GRIP2: variants seen among roughly 807,000 people sequenced by gnomAD.
GRIP2 encodes the protein glutamate receptor-interacting protein 2.
A neutral mutation model predicts 108.3 loss-of-function variants in GRIP2; 58 were observed. That is an observed-to-expected ratio of 0.54 (90% CI 0.43 to 0.67). The LOEUF (loss-of-function observed/expected upper bound fraction) is 0.67, where lower values mean the gene tolerates loss of function less well. Among genes scored for constraint, GRIP2 ranks in the 30% least tolerant of loss-of-function variants. The pLI is 0.00. For synonymous variants in GRIP2, 586 were observed against 598.2 expected, an observed-to-expected ratio of 0.98 and a Z score of 0.30; for missense variants, 1,278 against 1,430.6, an observed-to-expected ratio of 0.89 and a Z score of 1.72.
At chr3:14,555,064 T>TTA (rs1234184738) in intron 1 of GRIP2, among the ~76,000 whole-genome samples, 1 of 151,778 alleles carries the variant, frequency 6.6e-6, no homozygotes, top group Non-Finnish European at 1.5e-5. Context: ...CCTGGGGGGT[T>TTA]TAACTCCAGC....
Position 14,524,418 on chromosome 3 carries a change from C to T in GRIP2, c.378G>A (p.Glu126=). The T allele has an allele frequency of 6.2e-7, 1 of 1,609,934 alleles. No individual in the cohort carries two copies. Among genetic ancestry groups the T allele is most frequent in the East Asian group, 2.2e-5 (1 of 44,776 alleles). Residue 126 remains glutamate, a synonymous_variant, in exon 4 of 24, where the codon GAG becomes GAA. Coordinates refer to ENST00000621039, the MANE Select transcript of GRIP2 (RefSeq NM_001080423.4). ...LKNVGERVVL[E]VEYELPPPAP... ...CGGGCGGGGGCAGCTCATACTCCAC[C>T]TCCAGCACCACGCGCTCGCCCACAT...
chr3:14,489,503 A>C lies in GRIP2; in HGVS notation c.*4162T>G, dbSNP rs969869974. On this transcript the variant is annotated 3_prime_UTR_variant, in exon 24 of 24. Transcript: ENST00000621039. Reference sequence around the variant, plus strand: ...TTCCCACATGGAGGCTCACAGAGGAAGCAGCTTGCTCACTCAGGGGTACAC... The same window carrying C: ...TTCCCACATGGAGGCTCACAGAGGACGCAGCTTGCTCACTCAGGGGTACAC... 3.9e-5 allele frequency: 6 copies of C among 152,428 alleles called. No homozygotes were observed. The highest frequency in any genetic ancestry group is 1.4e-4 in the African/African-American group (6 of 41,426). 9.4% of individuals were successfully genotyped at this position (152,428 alleles called of 1,614,324 possible). A position where few individuals can be genotyped will look rare whatever the true frequency, so the allele number is the denominator to read the frequency against.
At chr3:14,546,846 A>C (rs901459378), upstream of GRIP2, among the ~76,000 whole-genome samples, 7 of 152,182 alleles carry the variant, frequency 4.6e-5, no homozygotes, top group Non-Finnish European at 5.9e-5. Flanking sequence ...ATGGAAAGTC[A>C]CAGCACAGCT....
intron 1 of GRIP2, among the ~76,000 whole-genome samples, chr3:14,548,623 C>T (rs1266116459): frequency 6.6e-6 from 1 of 152,220 alleles, no homozygotes; most frequent in African/African-American, 2.4e-5. Flanking sequence ...CATGACCCTC[C>T]GTCCAAACGC....
chr3:14,525,663 G>C lies in GRIP2; in HGVS notation c.122-91C>G, dbSNP rs114948835. 5 of 1,502,884 alleles carry C rather than the reference G, an allele frequency of 3.3e-6. No homozygotes were observed. The African/African-American group carries it at 5.5e-5, about 17-fold the overall frequency. The allele number at this position is 1,502,884 out of a possible 1,614,324, so 93.1% of individuals were successfully genotyped here. On this transcript the variant is annotated intron_variant, in intron 2 of 23. Transcript: ENST00000621039. Reference sequence around the variant, plus strand: ...GATAAGCGAGGCGAGCACCTGGTTGGTAGGGCACTCTGCTGCATTGCCCTG... The same window carrying C: ...GATAAGCGAGGCGAGCACCTGGTTGCTAGGGCACTCTGCTGCATTGCCCTG...
At chr3:14,591,107 T>G in the GRIP2 span, among the ~76,000 whole-genome samples, 1 of 152,166 alleles carries the variant, frequency 6.6e-6, no homozygotes, top group Non-Finnish European at 1.5e-5. Flanking sequence ...AGCACACTTC[T>G]CTCCACTCTG....
chr3:14,541,209 C>T (rs1020530510), upstream of GRIP2, among the ~76,000 whole-genome samples: 9 of 152,210 alleles, frequency 5.9e-5, no homozygotes, highest in Non-Finnish European at 1.0e-4. Context: ...CAGGCTGCAC[C>T]CAATTTCCCC....
At chr3:14,587,767 G>A in the GRIP2 span, among the ~76,000 whole-genome samples, 1 of 152,140 alleles carries the variant, frequency 6.6e-6, no homozygotes, top group Admixed American at 6.5e-5. Flanking sequence ...CTACAGAAAG[G>A]GTTGTGCCTG....
upstream of GRIP2, chr3:14,542,077 C>T (rs865928769): frequency 1.9e-5 from 25 of 1,347,172 alleles, no homozygotes; most frequent in African/African-American, 3.0e-5. Context: ...GGAGGACAGG[C>T]GCATGGCACC....
chr3:14,563,710 A>T, the GRIP2 span, among the ~76,000 whole-genome samples: 1 of 152,094 alleles, frequency 6.6e-6, no homozygotes, highest in Non-Finnish European at 1.5e-5. Context: ...TCATAAGGTG[A>T]TGTCACCTGG....
chr3:14,599,958 C>T, the GRIP2 span, among the ~76,000 whole-genome samples: 2 of 152,134 alleles, frequency 1.3e-5, no homozygotes, highest in Admixed American at 1.3e-4. Flanking sequence ...ATGTGTCTCT[C>T]TTCAAGGAAG....
intron 3 of GRIP2, 82 bp downstream of exon 3, chr3:14,525,355 T>A (rs1694524033): frequency 4.6e-6 from 7 of 1,528,014 alleles, no homozygotes; most frequent in Non-Finnish European, 6.2e-6. Flanking sequence ...CCTAAGACCT[T>A]CAGTACATTT....
the GRIP2 span, chr3:14,573,890 G>T: frequency 8.2e-7 from 1 of 1,217,616 alleles, no homozygotes; most frequent in Non-Finnish European, 1.2e-6. Flanking sequence ...TCTGCAGGCA[G>T]CCCGACCTGT....
chr3:14,593,767 G>T, the GRIP2 span, among the ~76,000 whole-genome samples: 1 of 152,206 alleles, frequency 6.6e-6, no homozygotes, highest in South Asian at 2.1e-4. Context: ...TCCTGGATAT[G>T]CCAGAGACAT....
At chr3:14,514,253 A>AGC in intron 12 of GRIP2, 39 bp downstream of exon 12, 1 of 1,485,862 alleles carries the variant, frequency 6.7e-7, no homozygotes, top group Non-Finnish European at 9.0e-7. Context: ...TTTCTCTCAG[A>AGC]GAGTGGCAGG....
Position 14,540,297 on chromosome 3 carries a change from C to A in GRIP2, c.12G>T (p.Gly4=). The change falls in exon 1 of 24, where the codon GGG becomes GGT. Residue 4 remains glycine, a synonymous_variant. Transcript: ENST00000621039. This position sits in a 1 kb window ranked among gnomAD's most constrained non-coding sequence, Gnocchi z 4.1. ...CCTCTCCAGGGGTCTCCCGGCTGAG[C>A]CCACACAGCATGTTCGCTATTGTCT... MLC[G]LSRETPGEAD... is the part of the protein sequence containing the mutation. The A allele has an allele frequency of 6.2e-7, 1 of 1,613,782 alleles. No individual in the cohort carries two copies. Among genetic ancestry groups the A allele is most frequent in the Non-Finnish European group, 8.5e-7 (1 of 1,179,798 alleles).
At chr3:14,527,249 A>AG (rs1205116575) in intron 1 of GRIP2, among the ~76,000 whole-genome samples, 2 of 137,988 alleles carry the variant, frequency 1.4e-5, no homozygotes, top group East Asian at 3.9e-4. Context: ...GAAGGAAGAA[A>AG]GGGAAGGGAA....
At chr3:14,519,102 T>TTATC (rs1694336478) in intron 9 of GRIP2, among the ~76,000 whole-genome samples, 2 of 152,218 alleles carry the variant, frequency 1.3e-5, no homozygotes, top group African/African-American at 4.8e-5. Context: ...ACCTGGCACG[T>TTATC]GGCAGATGCT....
At chr3:14,553,907 A>G (rs1178417574) in intron 1 of GRIP2, among the ~76,000 whole-genome samples, 1 of 152,156 alleles carries the variant, frequency 6.6e-6, no homozygotes, top group African/African-American at 2.4e-5. Context: ...GGGGTCGGGC[A>G]GGAGCCTGGC....
Sources: allele counts gnomAD v4.1 joint callset (sites outside exome capture counted in the v4.1 genomes callset), GRCh38; gene constraint gnomAD v4.1.1; non-coding constraint Gnocchi (gnomAD v3.1); transcripts MANE v1.5; gene names NCBI Gene and HGNC (gene_info 2026-07-23, HGNC 2026-07-21).